MICAL2: variants seen among roughly 807,000 people sequenced by gnomAD.
MICAL2 encodes the protein [F-actin]-monooxygenase MICAL2.
MICAL2 carries 77 observed loss-of-function variants against 127.3 expected under a neutral mutation model. The ratio of observed to expected loss-of-function variants is 0.60; its 90% CI spans 0.50 to 0.73. MICAL2 has a LOEUF of 0.73. Among genes scored for constraint, MICAL2 ranks in the 30% least tolerant of loss-of-function variants. The probability of loss-of-function intolerance (pLI) is 0.00; values close to 1 mark genes in which losing one functional copy is unlikely to be tolerated. For synonymous variants in MICAL2, 570 were observed against 551.1 expected, an observed-to-expected ratio of 1.03 and a Z score of -0.48; for missense variants, 1,351 against 1,434.4, an observed-to-expected ratio of 0.94 and a Z score of 0.94.
At chr11:12,245,999 C>T (rs926933389) in intron 21 of MICAL2, among the ~76,000 whole-genome samples, 7 of 152,250 alleles carry the variant, frequency 4.6e-5, no homozygotes, top group Non-Finnish European at 1.0e-4. Flanking sequence ...TGACTGGGCC[C>T]TTCAGGGTAG....
chr11:12,294,471 G>T (rs184208312), downstream of MICAL2: 1 of 1,614,150 alleles, frequency 6.2e-7, no homozygotes, highest in Middle Eastern at 1.6e-4. Flanking sequence ...CGCACCCACA[G>T]TTTGCCCAAT....
chr11:12,125,105 C>T (rs914668649), intron 1 of MICAL2, among the ~76,000 whole-genome samples: 3 of 152,250 alleles, frequency 2.0e-5, no homozygotes, highest in Admixed American at 1.3e-4. Flanking sequence ...CAGCCCCACC[C>T]GCCAGAGCTC....
downstream of MICAL2, chr11:12,292,286 T>A: frequency 6.2e-7 from 1 of 1,613,954 alleles, no homozygotes; most frequent in South Asian, 1.1e-5. Context: ...AGATGGTTCC[T>A]CCCCGCCTCA....
rs117066994 is a variant in MICAL2, at chr11:12,145,053, G to A, written c.-78+6593G>A. Among the ~76,000 whole-genome samples the A allele has an allele frequency of 8.5e-5, 13 of 152,306 alleles. No individual in the cohort carries two copies. In the East Asian group the frequency reaches 1.9e-3, roughly 23 times the overall value. ...TCAGCCCACATCCTGATGAAGGAAG[G>A]AATCCTTTCTCAGAACTGTCTCACC... On this transcript the variant is annotated intron_variant, in intron 2 of 27. Transcript: ENST00000683283.
At chr11:12,318,583 C>A (rs139079806) in intron 29 of MICAL2, among the ~76,000 whole-genome samples, 1 of 152,256 alleles carries the variant, frequency 6.6e-6, no homozygotes, top group South Asian at 2.1e-4. Context: ...TGTTAGTTGA[C>A]GTGGAGGTGC....
At chr11:12,160,975 G>T (rs1854715197) in intron 2 of MICAL2, among the ~76,000 whole-genome samples, 1 of 152,214 alleles carries the variant, frequency 6.6e-6, no homozygotes, top group Admixed American at 6.5e-5. Context: ...CCTCTGGGGA[G>T]CACAGAGCTG....
At chr11:12,318,253 G>T (rs761766111) in intron 29 of MICAL2, among the ~76,000 whole-genome samples, 1 of 152,152 alleles carries the variant, frequency 6.6e-6, no homozygotes, top group African/African-American at 2.4e-5. Context: ...TTTCCTCAAG[G>T]TCATATGCTA....
chr11:12,294,369 G>A, downstream of MICAL2: 3 of 1,614,220 alleles, frequency 1.9e-6, no homozygotes, highest in Non-Finnish European at 2.5e-6. Context: ...CGCTCATTCA[G>A]CCTTCGGAAA....
At chr11:12,131,930 T>G (rs1056142069) in intron 1 of MICAL2, among the ~76,000 whole-genome samples, 1 of 152,244 alleles carries the variant, frequency 6.6e-6, no homozygotes, top group African/African-American at 2.4e-5. Context: ...GGCTAACATA[T>G]GGCAGCCTTT....
chr11:12,159,043 G>A (rs941113325), intron 2 of MICAL2, among the ~76,000 whole-genome samples: 1 of 152,300 alleles, frequency 6.6e-6, no homozygotes, highest in East Asian at 1.9e-4. Context: ...ACAGGCTGCT[G>A]GGCTACATAT....
intron 19 of MICAL2, 102 bp from the exon 20 acceptor site, chr11:12,242,569 G>A: frequency 7.0e-7 from 1 of 1,437,240 alleles, no homozygotes; most frequent in Non-Finnish European, 9.7e-7. Context: ...TGGTGAGCAG[G>A]CAAGGCCCCC....
At chr11:12,139,075 T>C (rs989030426) in intron 2 of MICAL2, among the ~76,000 whole-genome samples, 12 of 152,002 alleles carry the variant, frequency 7.9e-5, no homozygotes, top group African/African-American at 2.7e-4. Flanking sequence ...TTGTTTAGAG[T>C]AAACCCCTCA....
intron 1 of MICAL2, among the ~76,000 whole-genome samples, chr11:12,114,023 T>C (rs1052908134): frequency 3.3e-5 from 5 of 152,256 alleles, no homozygotes; most frequent in African/African-American, 1.2e-4. Flanking sequence ...GCTATGTCCA[T>C]GAGGGTATCT....
chr11:12,260,380 A>T (rs1461107536), intron 26 of MICAL2: 2 of 1,271,340 alleles, frequency 1.6e-6, no homozygotes, highest in Admixed American at 7.8e-5. Context: ...GATATGAAGG[A>T]TCTTTTCTAT....
chr11:12,242,939 A>C, intron 20 of MICAL2, 167 bp downstream of exon 20: 1 of 518,968 alleles, frequency 1.9e-6, no homozygotes, highest in Non-Finnish European at 3.3e-6. Flanking sequence ...TCTAGAAAAG[A>C]CCCAAATGCG....
chr11:12,323,400 A>G (rs1864321817), intron 30 of MICAL2, among the ~76,000 whole-genome samples: 1 of 152,080 alleles, frequency 6.6e-6, no homozygotes, highest in Non-Finnish European at 1.5e-5. Flanking sequence ...CAACCTAAGC[A>G]CTATTTAAAG....
intron 29 of MICAL2, among the ~76,000 whole-genome samples, chr11:12,314,329 A>G (rs897179462): frequency 2.0e-5 from 3 of 151,990 alleles, no homozygotes; most frequent in African/African-American, 7.2e-5. Context: ...TATGTAATAC[A>G]TAGTATGTAG....
chr11:12,231,845 A>C (rs1464123045), intron 15 of MICAL2, among the ~76,000 whole-genome samples: 2 of 152,236 alleles, frequency 1.3e-5, no homozygotes, highest in African/African-American at 4.8e-5. Flanking sequence ...CGCGCAGGTC[A>C]TGGCTGAAGC....
intron 2 of MICAL2, among the ~76,000 whole-genome samples, chr11:12,140,375 C>T (rs1456537016): frequency 6.6e-6 from 1 of 152,214 alleles, no homozygotes; most frequent in African/African-American, 2.4e-5. Flanking sequence ...GGACATGGCC[C>T]AGTCCTACTG....
Sources: allele counts gnomAD v4.1 joint callset (sites outside exome capture counted in the v4.1 genomes callset), GRCh38; gene constraint gnomAD v4.1.1; transcripts MANE v1.5; gene names NCBI Gene and HGNC (gene_info 2026-07-23, HGNC 2026-07-21).